The following TMOD3 variants were observed in gnomAD, a reference collection of about 807,000 sequenced individuals.
The protein encoded by TMOD3 is tropomodulin 3.
A neutral mutation model predicts 39.2 loss-of-function variants in TMOD3; 20 were observed. The observed-to-expected ratio is 0.51, with a 90% CI of 0.36 to 0.74. The LOEUF (loss-of-function observed/expected upper bound fraction) is 0.74, where lower values mean the gene tolerates loss of function less well. Ranked by LOEUF, TMOD3 falls within the 30% of genes least tolerant of loss-of-function variation. The pLI, the probability that TMOD3 is intolerant of heterozygous loss-of-function variation, is 0.00. For synonymous variants in TMOD3, 143 were observed against 145.8 expected (o/e 0.98, Z 0.14); for missense variants, 381 against 412.8 (o/e 0.92, Z 0.67).
intron 3 of TMOD3, among the ~76,000 whole-genome samples, chr15:51,871,322 A>G (rs2056473692): frequency 6.6e-6 from 1 of 152,208 alleles, no homozygotes; most frequent in African/African-American, 2.4e-5. Context: ...GTGCAGCCAT[A>G]CGTATGTCAG....
intron 3 of TMOD3, among the ~76,000 whole-genome samples, chr15:51,882,988 A>G (rs1595904419): frequency 6.6e-6 from 1 of 152,234 alleles, no homozygotes; most frequent in Non-Finnish European, 1.5e-5. Flanking sequence ...AGCTTTGTAT[A>G]TATGCATTAA....
chr15:51,913,807 G>A lies in TMOD3; in HGVS notation c.*4997G>A, dbSNP rs879688681. ...GCCGACGGATCACTTGAGCTCAGGA[G>A]TTTGAGACCAACCTGCGTAACATGG... On this transcript the variant is annotated 3_prime_UTR_variant, in exon 10 of 10. Transcript: ENST00000308580. 2 of 152,126 alleles carry A rather than the reference G, an allele frequency of 1.3e-5. No homozygotes were observed. The highest frequency in any genetic ancestry group is 6.6e-5 in the Admixed American group (1 of 15,260). 9.4% of individuals were successfully genotyped at this position (152,126 alleles called of 1,614,324 possible).
chr15:51,831,568 T>C (rs1218919838), intron 1 of TMOD3, among the ~76,000 whole-genome samples: 1 of 152,214 alleles, frequency 6.6e-6, no homozygotes, highest in African/African-American at 2.4e-5. Context: ...GTGTTTTTAA[T>C]AGCAATTTAA....
chr15:51,885,494 C>T (rs991963817), intron 3 of TMOD3, among the ~76,000 whole-genome samples: 3 of 152,112 alleles, frequency 2.0e-5, no homozygotes, highest in African/African-American at 7.2e-5. Flanking sequence ...TGATGACTCT[C>T]AACGAGCATG....
At chr15:51,883,090 A>G (rs2056542862) in intron 3 of TMOD3, among the ~76,000 whole-genome samples, 1 of 152,232 alleles carries the variant, frequency 6.6e-6, no homozygotes, top group Non-Finnish European at 1.5e-5. Flanking sequence ...ACAATATTGT[A>G]CAAGCTAAAT....
intron 2 of TMOD3, among the ~76,000 whole-genome samples, chr15:51,867,502 A>G (rs1046279900): frequency 6.6e-6 from 1 of 152,214 alleles, no homozygotes; most frequent in Non-Finnish European, 1.5e-5. Context: ...CATTACATAA[A>G]GGGTAACACA....
chr15:51,850,426 G>C (rs1202361534), intron 1 of TMOD3, among the ~76,000 whole-genome samples: 1 of 152,110 alleles, frequency 6.6e-6, no homozygotes, highest in Non-Finnish European at 1.5e-5. Context: ...TTGTTGATAT[G>C]ATGGGAACTC....
rs2056558138 is a variant in TMOD3, at chr15:51,885,777, A to C, written c.284-1812A>C. ...ATTCGACAAAACCGCCATCGTCATC[A>C]TGGCCCGTTCTCAATGAGCTGCTGG... On this transcript the variant is annotated intron_variant, in intron 3 of 9. Transcript: ENST00000308580. 1.3e-5 allele frequency among the ~76,000 whole-genome samples: 2 copies of C among 152,232 alleles called. 1 individual carries two copies. Among genetic ancestry groups the C allele is most frequent in the South Asian group, 4.1e-4 (2 of 4,838 alleles).
intron 7 of TMOD3, 76 bp from the exon 8 acceptor site, chr15:51,900,079 T>A: frequency 7.3e-7 from 1 of 1,369,150 alleles, no homozygotes; most frequent in South Asian, 1.3e-5. Flanking sequence ...AATTAATGTA[T>A]TTATTTATGG....
chr15:51,860,637 C>CA (rs1011985412), intron 1 of TMOD3: 1 of 534,966 alleles, frequency 1.9e-6, no homozygotes, highest in Non-Finnish European at 3.7e-6. Context: ...CCATTTCTTA[C>CA]AAAAAACTAC....
chr15:51,840,902 T>C (rs981118480), intron 1 of TMOD3, among the ~76,000 whole-genome samples: 2 of 152,234 alleles, frequency 1.3e-5, no homozygotes, highest in African/African-American at 2.4e-5. Context: ...TCACCTAATA[T>C]CACTTAATTT....
At chr15:51,885,666 A>G (rs1175496240) in intron 3 of TMOD3, among the ~76,000 whole-genome samples, 2 of 148,694 alleles carry the variant, frequency 1.3e-5, no homozygotes, top group Non-Finnish European at 3.0e-5. Flanking sequence ...ACAGAACAAA[A>G]TGGAGTCTCC....
intron 7 of TMOD3, among the ~76,000 whole-genome samples, chr15:51,899,393 T>C (rs2056637681): frequency 6.6e-6 from 1 of 152,122 alleles, no homozygotes; most frequent in Non-Finnish European, 1.5e-5. Context: ...AGGCCAGGTG[T>C]AGTGGCTCAC....
intron 1 of TMOD3, among the ~76,000 whole-genome samples, chr15:51,838,417 T>C (rs2056297075): frequency 6.6e-6 from 1 of 152,158 alleles, no homozygotes; most frequent in Non-Finnish European, 1.5e-5. Flanking sequence ...ACAAACCCAC[T>C]TAAGCTATCT....
chr15:51,894,761 C>A (rs1429042727), intron 6 of TMOD3, among the ~76,000 whole-genome samples: 1 of 152,164 alleles, frequency 6.6e-6, no homozygotes, highest in Non-Finnish European at 1.5e-5. Flanking sequence ...GTTTGTTTAT[C>A]TGTTCATCAG....
chr15:51,852,621 C>T (rs538789606), intron 1 of TMOD3, among the ~76,000 whole-genome samples: 4 of 152,018 alleles, frequency 2.6e-5, no homozygotes, highest in Non-Finnish European at 5.9e-5. Context: ...ATTTTCAGCC[C>T]CCCCTTTAGT....
At chr15:51,878,129 C>T (rs887523105) in intron 3 of TMOD3, among the ~76,000 whole-genome samples, 2 of 152,240 alleles carry the variant, frequency 1.3e-5, no homozygotes, top group Non-Finnish European at 2.9e-5. Context: ...GATCTGCAGC[C>T]TGGAACCTTT....
At chr15:51,859,163 A>G in intron 1 of TMOD3, 1 of 698,906 alleles carries the variant, frequency 1.4e-6, no homozygotes, top group Non-Finnish European at 2.7e-6. Flanking sequence ...TGTTTCACAA[A>G]GATGGCTGTA....
chr15:51,830,076 G>T (rs2056246496), intron 1 of TMOD3, among the ~76,000 whole-genome samples: 1 of 152,028 alleles, frequency 6.6e-6, no homozygotes, highest in South Asian at 2.1e-4. Flanking sequence ...CGCGAACCTG[G>T]CGTTCCCAGT....
Sources: allele counts gnomAD v4.1 joint callset (sites outside exome capture counted in the v4.1 genomes callset), GRCh38; gene constraint gnomAD v4.1.1; transcripts MANE v1.5; gene names NCBI Gene and HGNC (gene_info 2026-07-23, HGNC 2026-07-21).